ICA1L: variants seen among roughly 807,000 people sequenced by gnomAD.
The protein encoded by ICA1L is islet cell autoantigen 1-like protein.
In ICA1L, 50 loss-of-function variants were observed where a neutral mutation model predicts 61.3. The observed-to-expected ratio is 0.82, with a 90% CI of 0.65 to 1.03. The LOEUF (loss-of-function observed/expected upper bound fraction) is 1.03, where lower values mean the gene tolerates loss of function less well. Among genes scored for constraint, ICA1L ranks in the 50% least tolerant of loss-of-function variants. The pLI, the probability that ICA1L is intolerant of heterozygous loss-of-function variation, is 0.00. For synonymous variants in ICA1L, 161 were observed against 191.3 expected, an observed-to-expected ratio of 0.84 and a Z score of 1.31; for missense variants, 508 against 556.7, an observed-to-expected ratio of 0.91 and a Z score of 0.88.
rs1693889058 is a variant in ICA1L, at chr2:202,827,741, C to T, written c.162+1107G>A. ...TAATAATAAAGTCTTCATTTTTACA[C>T]ATTTGTCATTGAATCCTAGAAATAC... is the stretch of plus-strand genomic sequence containing the variant. On this transcript the variant is annotated intron_variant, in intron 2 of 12. Transcript: ENST00000358299. 3.9e-5 allele frequency among the ~76,000 whole-genome samples: 6 copies of T among 152,290 alleles called. No individual in the cohort carries two copies. In the South Asian group the frequency reaches 1.2e-3, roughly 32 times the overall value.
At position 202,796,915 on chromosome 2, in the gene ICA1L, T is replaced by TG. The variant is rs1559130527; in HGVS notation, c.959dup (p.Pro321ThrfsTer5). On this transcript the variant is annotated frameshift_variant, in exon 10 of 13. Coordinates refer to ENST00000358299, the MANE Select transcript of ICA1L (RefSeq NM_001288622.3). LOFTEE classifies it high-confidence loss of function. ...CATTTTCAGAGTTAGAAAACTGAGG[T>TG]GCTCCAAATTCTCTCATTTGAGAAT... The TG allele has an allele frequency of 6.2e-7, 1 of 1,600,730 alleles. No individual in the cohort carries two copies.
At chr2:202,867,887 C>T (rs1000655777) in intron 1 of ICA1L, among the ~76,000 whole-genome samples, 4 of 152,104 alleles carry the variant, frequency 2.6e-5, no homozygotes, top group African/African-American at 9.7e-5. Context: ...AAAATATGCC[C>T]AAAGACCTGT....
At chr2:202,808,188 G>A (rs1693277404) in intron 9 of ICA1L, among the ~76,000 whole-genome samples, 1 of 152,204 alleles carries the variant, frequency 6.6e-6, no homozygotes, top group Non-Finnish European at 1.5e-5. Context: ...GTCAGTTCTA[G>A]CCCTTGGCTT....
chr2:202,786,274 C>T (rs551856297), intron 11 of ICA1L, among the ~76,000 whole-genome samples: 153 of 152,266 alleles, frequency 1.0e-3, no homozygotes, highest in African/African-American at 1.9e-3. Context: ...AGGCCGGGCG[C>T]GGTGGCTCAC....
chr2:202,809,459 G>A (rs1402217420), intron 9 of ICA1L, among the ~76,000 whole-genome samples: 1 of 151,984 alleles, frequency 6.6e-6, no homozygotes, highest in Non-Finnish European at 1.5e-5. Context: ...GACTAGCCTG[G>A]GCAGCATGGA....
At position 202,871,717 on chromosome 2, in the gene ICA1L, C is replaced by G. The variant is rs1450548639; in HGVS notation, c.-106G>C. The G allele has an allele frequency of 6.5e-6, 1 of 152,688 alleles. No homozygotes were observed. The highest frequency in any genetic ancestry group is 2.4e-5 in the African/African-American group (1 of 41,464). The allele number at this position is 152,688 out of a possible 1,614,324, so 9.5% of individuals were successfully genotyped here. The stretch of plus-strand genomic sequence containing the variant: ...CGCCCGCGAGCCCCGCGCCGACTCC[C>G]GGCCCTCCGGCAGCCAGTGCCCCTC... On this transcript the variant is annotated 5_prime_UTR_variant, in exon 1 of 13. Coordinates refer to ENST00000358299, the MANE Select transcript of ICA1L (RefSeq NM_001288622.3).
At chr2:202,820,348 C>A (rs1343672516) in intron 4 of ICA1L, among the ~76,000 whole-genome samples, 1 of 150,834 alleles carries the variant, frequency 6.6e-6, no homozygotes, top group Non-Finnish European at 1.5e-5. Context: ...GCACTCCAGC[C>A]TGGGCGACAG....
At chr2:202,827,975 AT>A (rs1389642167) in intron 2 of ICA1L, among the ~76,000 whole-genome samples, 1 of 152,204 alleles carries the variant, frequency 6.6e-6, no homozygotes, top group Non-Finnish European at 1.5e-5. Context: ...GTTAGCTTTA[AT>A]TAGTATATAT....
rs756287964 is a variant in ICA1L at position 202,817,387 on chromosome 2, G to C, written c.684+31C>G. ...AGAAATCTCACCACTCATCTTTACTGCAAGGATATGCTGACCATGGAGGTG... is the reference window on the plus strand; with the variant it reads ...AGAAATCTCACCACTCATCTTTACTCCAAGGATATGCTGACCATGGAGGTG... On this transcript the variant is annotated intron_variant, in intron 6 of 12. Coordinates refer to ENST00000358299, the MANE Select transcript of ICA1L (RefSeq NM_001288622.3). The C allele has an allele frequency of 2.6e-6, 4 of 1,516,356 alleles. No homozygotes were observed. The East Asian group carries it at 9.7e-5, about 37-fold the overall frequency. 93.9% of individuals were successfully genotyped at this position (1,516,356 alleles called of 1,614,324 possible).
intron 1 of ICA1L, among the ~76,000 whole-genome samples, chr2:202,858,839 CA>C (rs1453065552): frequency 5.3e-5 from 8 of 152,138 alleles, no homozygotes; most frequent in African/African-American, 1.7e-4. Flanking sequence ...CAGACTGTAT[CA>C]GATGGTCTAG....
At chr2:202,807,591 G>A (rs1276940235) in intron 9 of ICA1L, among the ~76,000 whole-genome samples, 1 of 152,130 alleles carries the variant, frequency 6.6e-6, no homozygotes, top group East Asian at 1.9e-4. Context: ...TGGGCTTGGA[G>A]CCAGTGGAGT....
intron 9 of ICA1L, among the ~76,000 whole-genome samples, chr2:202,809,650 C>CA (rs546883999): frequency 0.099 from 13,878 of 139,732 alleles, 753 homozygotes; most frequent in Non-Finnish European, 0.13. Context: ...AACTCCATCT[C>CA]AAAAAAAAAA....
intron 1 of ICA1L, among the ~76,000 whole-genome samples, chr2:202,839,578 G>C (rs1694261716): frequency 1.8e-5 from 1 of 56,936 alleles, no homozygotes; most frequent in Non-Finnish European, 5.5e-5. Context: ...GTGTGTGTGT[G>C]TGTGTGTGTG....
chr2:202,866,665 C>T (rs1005100346), intron 1 of ICA1L, among the ~76,000 whole-genome samples: 7 of 152,080 alleles, frequency 4.6e-5, no homozygotes, highest in Non-Finnish European at 7.4e-5. Context: ...GTAAAACTCC[C>T]GGCGAGGCGC....
At chr2:202,832,435 CAAA>C (rs35735506) in intron 1 of ICA1L, among the ~76,000 whole-genome samples, 86 of 80,870 alleles carry the variant, frequency 1.1e-3, no homozygotes, top group African/African-American at 3.6e-3. Flanking sequence ...GACTCCGTCA[CAAA>C]AAAAAAAAAA....
chr2:202,840,302 G>C, intron 1 of ICA1L: 1 of 458,056 alleles, frequency 2.2e-6, no homozygotes, highest in Non-Finnish European at 4.3e-6. Flanking sequence ...CTGCAGGAGG[G>C]GCACACTGGG....
chr2:202,858,504 A>G (rs768672682), intron 1 of ICA1L, among the ~76,000 whole-genome samples: 4 of 152,216 alleles, frequency 2.6e-5, no homozygotes, highest in Non-Finnish European at 5.9e-5. Flanking sequence ...GAGCATTAGG[A>G]CAAATATCTA....
At chr2:202,807,191 G>A (rs1019383389) in intron 9 of ICA1L, among the ~76,000 whole-genome samples, 3 of 152,186 alleles carry the variant, frequency 2.0e-5, no homozygotes, top group African/African-American at 2.4e-5. Flanking sequence ...TTTTAACTAC[G>A]TATCACTGAA....
chr2:202,866,226 T>G (rs1374217391), intron 1 of ICA1L, among the ~76,000 whole-genome samples: 1 of 152,156 alleles, frequency 6.6e-6, no homozygotes, highest in Non-Finnish European at 1.5e-5. Flanking sequence ...CCTGAATGGC[T>G]TGGTGATGAG....
Sources: gnomAD v4.1 joint callset for allele counts (sites outside exome capture counted in the v4.1 genomes callset) on GRCh38, gnomAD v4.1.1 for gene constraint, MANE v1.5 for transcripts, NCBI Gene and HGNC (gene_info 2026-07-23, HGNC 2026-07-21) for gene names.